The following DNHD1 variants were observed in gnomAD, a reference collection of about 807,000 sequenced individuals.
The protein encoded by DNHD1 is dynein heavy chain domain-containing protein 1.
A neutral mutation model predicts 458.1 loss-of-function variants in DNHD1; 383 were observed. The observed-to-expected ratio is 0.84, with a 90% CI of 0.77 to 0.91. The LOEUF (loss-of-function observed/expected upper bound fraction) is 0.91, where lower values mean the gene tolerates loss of function less well. Among genes scored for constraint, DNHD1 ranks in the 40% least tolerant of loss-of-function variants. The pLI, the probability that DNHD1 is intolerant of heterozygous loss-of-function variation, is 0.00. For synonymous variants in DNHD1, 2,203 were observed against 2,376.9 expected (o/e 0.93, Z 2.13); for missense variants, 5,336 against 5,866.1 (o/e 0.91, Z 2.95).
Position 6,498,049 on chromosome 11 carries a change from C to T in DNHD1, c.-167C>T. On this transcript the variant is annotated 5_prime_UTR_variant, in exon 3 of 43. Coordinates refer to ENST00000254579, the MANE Select transcript of DNHD1 (RefSeq NM_144666.3). ...CCCAGGTCCTTTCTTCCTCCTAACC[C>T]CATTGACTCTGACCATCCCCTGCCC... The T allele has an allele frequency of 1.1e-6, 1 of 886,460 alleles. No individual in the cohort carries two copies. The allele number at this position is 886,460 out of a possible 1,614,324, so 54.9% of individuals were successfully genotyped here.
chr11:6,501,281 A>G (rs1589863615), intron 3 of DNHD1, among the ~76,000 whole-genome samples: 1 of 136,778 alleles, frequency 7.3e-6, no homozygotes, highest in East Asian at 2.1e-4. Context: ...GCTTGAAAGA[A>G]TTTTGGTGTC....
At chr11:6,515,779 A>ATTTTTTT (rs61095437) in intron 7 of DNHD1, among the ~76,000 whole-genome samples, 5 of 108,306 alleles carry the variant, frequency 4.6e-5, no homozygotes, top group Non-Finnish European at 7.3e-5. Flanking sequence ...CTATAGACAC[A>ATTTTTTT]TTTTTTTTTT....
In DNHD1 at chr11:6,498,966, G is replaced by A. The variant is rs1430561308; in HGVS notation, c.746+5G>A. The A allele has an allele frequency of 6.3e-7, 1 of 1,592,304 alleles. No individual in the cohort carries two copies. The highest frequency in any genetic ancestry group is 2.2e-5 in the East Asian group (1 of 44,686). ...TGTTGGAAGAAAAGAGACCAGGTAAGTGAGGGACTCAGTCTAGGGCTTGAG... is the reference window on the plus strand; with the variant it reads ...TGTTGGAAGAAAAGAGACCAGGTAAATGAGGGACTCAGTCTAGGGCTTGAG... On this transcript the variant is annotated splice_donor_5th_base_variant and intron_variant, in intron 3 of 42. Coordinates refer to ENST00000254579, the MANE Select transcript of DNHD1 (RefSeq NM_144666.3).
At position 6,557,205 on chromosome 11, in the gene DNHD1, TG is replaced by T; in HGVS notation, c.7911del (p.Met2637IlefsTer37). On this transcript the variant is annotated frameshift_variant, in exon 25 of 43. Transcript: ENST00000254579. LOFTEE classifies it high-confidence loss of function. ...SGLRGTCLTV[M>X]MATRNVVRLW... is the part of the protein sequence containing the mutation. ...CTGCGAGGCACTTGTCTGACCGTTA[TG>T]ATGGCCACACGCAATGTGGTGCGTC... 1 of 1,551,686 alleles carries T rather than the reference TG, an allele frequency of 6.4e-7. No individual in the cohort carries two copies. Among genetic ancestry groups the T allele is most frequent in the Non-Finnish European group, 8.7e-7 (1 of 1,147,000 alleles).
rs1458654645 is a variant in DNHD1, at chr11:6,547,036, C to T, written c.6097C>T (p.Pro2033Ser). 9 of 1,551,572 alleles carry T rather than the reference C, an allele frequency of 5.8e-6. No homozygotes were observed. The East Asian group carries it at 1.2e-4, about 21-fold the overall frequency. ...CQPVEITHLY[P>S]SGLSPQEFLG... ...GCCTGTGGAAATTACCCACCTGTAC[C>T]CCAGTGGCCTCAGCCCCCAGGAGTT... The change falls in exon 21 of 43, where the codon CCC (proline) becomes TCC (serine). Residue 2033 changes from proline (P) to serine (S), a missense_variant. Transcript: ENST00000254579.
chr11:6,567,416 C>T lies in DNHD1; in HGVS notation c.11907C>T (p.His3969=). Residue 3969 remains histidine, a synonymous_variant, in exon 36 of 43, where the codon CAC becomes CAT. Transcript: ENST00000254579. The part of the protein sequence containing the change: ...PGLAASPSTV[H]SKPVSDVARP... ...TAGCAGCCTCTCCCAGCACAGTCCA[C>T]AGCAAGCCAGTCTCAGATGTGGCTC... The T allele has an allele frequency of 1.2e-6, 2 of 1,613,426 alleles. No individual in the cohort carries two copies. The highest frequency in any genetic ancestry group is 1.3e-5 in the African/African-American group (1 of 75,052).
chr11:6,569,519 C>T (rs1853791922), intron 39 of DNHD1, among the ~76,000 whole-genome samples: 1 of 151,812 alleles, frequency 6.6e-6, no homozygotes, highest in Non-Finnish European at 1.5e-5. Context: ...CTGATTTTAT[C>T]CTGAAGACAG....
chr11:6,558,008 T>A lies in DNHD1; in HGVS notation c.8713T>A (p.Ser2905Thr). ...TGRHTAITLASSICQAHFFHL... is the reference protein window; with the variant it reads ...TGRHTAITLATSICQAHFFHL... ...GCGCCACACTGCCATCACTCTGGCT[T>A]CTAGCATTTGTCAGGCCCATTTCTT... is the stretch of plus-strand genomic sequence containing the variant. Residue 2905 changes from serine (S) to threonine (T), a missense_variant, in exon 25 of 43, where the codon TCT becomes ACT. Ser to Thr is a moderately conservative substitution (Grantham distance 58). Coordinates refer to ENST00000254579, the MANE Select transcript of DNHD1 (RefSeq NM_144666.3). 1 of 1,551,710 alleles carries A rather than the reference T, an allele frequency of 6.4e-7. No individual in the cohort carries two copies. The highest frequency in any genetic ancestry group is 8.7e-7 in the Non-Finnish European group (1 of 1,146,996).
At position 6,546,595 on chromosome 11, in the gene DNHD1, C is replaced by T. The variant is rs762029962; in HGVS notation, c.5656C>T (p.Arg1886Trp). The T allele has an allele frequency of 3.0e-5, 46 of 1,551,688 alleles. No homozygotes were observed. The highest frequency in any genetic ancestry group is 9.6e-5 in the African/African-American group (7 of 73,052). The change falls in exon 21 of 43, where the codon CGG becomes TGG. Residue 1886 changes from arginine (R) to tryptophan (W), a missense_variant. Physicochemically the swap from Arg to Trp is moderately radical, Grantham distance 101 (BLOSUM62 -3). Transcript: ENST00000254579. ...CAAGCAGATACTGGAAGACACAATA[C>T]GGACACTAAATGTGACCAAGGAGGA... ...LLKQILEDTI[R>W]TLNVTKEEPK...
chr11:6,522,939 A>C (rs1852633154), intron 10 of DNHD1, among the ~76,000 whole-genome samples: 1 of 152,208 alleles, frequency 6.6e-6, no homozygotes, highest in South Asian at 2.1e-4. Context: ...TTTTCCAGAG[A>C]ACATTTTACA....
intron 9 of DNHD1, 66 bp downstream of exon 9, chr11:6,520,168 A>G: frequency 6.2e-7 from 1 of 1,610,904 alleles, no homozygotes; most frequent in East Asian, 2.2e-5. Flanking sequence ...AGTAATCAGA[A>G]GCTCACAACC....
chr11:6,558,173 C>T lies in DNHD1; in HGVS notation c.8878C>T (p.Leu2960=). 6.4e-7 allele frequency: 1 copy of T among 1,551,662 alleles called. No homozygotes were observed. Among genetic ancestry groups the T allele is most frequent in the Non-Finnish European group, 8.7e-7 (1 of 1,146,976 alleles). ...DLTTLHRLLA[L]ATSGSFPGQY... ...CACTACACTTCATCGCCTCCTGGCCCTGGCAACCTCAGGCAGTTTCCCTGG... is the reference window on the plus strand; with the variant it reads ...CACTACACTTCATCGCCTCCTGGCCTTGGCAACCTCAGGCAGTTTCCCTGG... The change falls in exon 25 of 43, where the codon CTG becomes TTG. Residue 2960 remains leucine, a synonymous_variant. Coordinates refer to ENST00000254579, the MANE Select transcript of DNHD1 (RefSeq NM_144666.3).
chr11:6,563,180 G>T (rs1472006389), intron 29 of DNHD1, 49 bp downstream of exon 29: 1 of 1,550,980 alleles, frequency 6.4e-7, no homozygotes, highest in African/African-American at 1.4e-5. Flanking sequence ...CTCAAAAGAG[G>T]GCAACCCCTC....
chr11:6,569,584 G>A (rs867264983), intron 39 of DNHD1, among the ~76,000 whole-genome samples: 35 of 152,136 alleles, frequency 2.3e-4, no homozygotes, highest in African/African-American at 6.8e-4. Context: ...CTTTTTGTGT[G>A]TTGGAAGGAT....
At position 6,534,048 on chromosome 11, in the gene DNHD1, G is replaced by T. The variant is rs1022705739; in HGVS notation, c.2873G>T (p.Gly958Val). 2.6e-5 allele frequency: 40 copies of T among 1,551,410 alleles called. No individual in the cohort carries two copies. The highest frequency in any genetic ancestry group is 3.2e-5 in the Non-Finnish European group (37 of 1,146,974). Reference sequence around the variant, plus strand: ...GGCCTGCTTGCGAAGGCCCTCTCCGGTCCCTTTATGGACCCCACACAAGAT... The same window carrying T: ...GGCCTGCTTGCGAAGGCCCTCTCCGTTCCCTTTATGGACCCCACACAAGAT... ...LEGLLAKALS[G>V]PFMDPTQDQR... Residue 958 changes from glycine (G) to valine (V), a missense_variant, in exon 14 of 43, where the codon GGT becomes GTT. Around this residue, in one of 4 missense-constraint regions of DNHD1, gnomAD observed 3,932 missense variants for 4,365.6 expected, o/e 0.90. Transcript: ENST00000254579.
At chr11:6,560,796 C>T (rs1853571853) in intron 28 of DNHD1, among the ~76,000 whole-genome samples, 1 of 152,290 alleles carries the variant, frequency 6.6e-6, no homozygotes, top group Non-Finnish European at 1.5e-5. Context: ...ATTCTGGGCC[C>T]CTCCATCTCT....
chr11:6,498,601 CCATT>C lies in DNHD1; in HGVS notation c.387_390del (p.Ile130SerfsTer11). ...CACCTCCATCTGGACCTGCTAGGTG[CCATT>C]GTCCAGGCCTTTCCTCCAGACAGCT... On this transcript the variant is annotated frameshift_variant, in exon 3 of 43. Transcript: ENST00000254579. LOFTEE classifies it high-confidence loss of function. 1 of 1,614,238 alleles carries C rather than the reference CCATT, an allele frequency of 6.2e-7. No homozygotes were observed.
chr11:6,542,459 C>T (rs141185677), intron 18 of DNHD1, among the ~76,000 whole-genome samples: 153 of 152,384 alleles, frequency 1.0e-3, no homozygotes, highest in African/African-American at 3.4e-3. Context: ...GCTCACAGCC[C>T]TTCCTCCACC....
intron 6 of DNHD1, among the ~76,000 whole-genome samples, chr11:6,510,007 C>T (rs1852304133): frequency 6.6e-6 from 1 of 152,216 alleles, no homozygotes; most frequent in African/African-American, 2.4e-5. Flanking sequence ...CCTTACATTT[C>T]AGGATTTCCT....
Sources: allele counts gnomAD v4.1 joint callset (sites outside exome capture counted in the v4.1 genomes callset), GRCh38; gene constraint gnomAD v4.1.1; regional missense constraint gnomAD v4.1.1; transcripts MANE v1.5; gene names NCBI Gene and HGNC (gene_info 2026-07-23, HGNC 2026-07-21).